PITRM1: variants seen among roughly 807,000 people sequenced by gnomAD.
The protein encoded by PITRM1 is pitrilysin metallopeptidase 1.
A neutral mutation model predicts 129.9 loss-of-function variants in PITRM1; 100 were observed. That is an observed-to-expected ratio of 0.77 (90% CI 0.65 to 0.91). The LOEUF is 0.91. PITRM1 is among the 40% of genes least tolerant of loss of function. The pLI, the probability that PITRM1 is intolerant of heterozygous loss-of-function variation, is 0.00. For missense variants in PITRM1, 1,471 were observed against 1,318.3 expected, an observed-to-expected ratio of 1.12 and a Z score of -1.79; for synonymous variants, 591 against 508.8, an observed-to-expected ratio of 1.16 and a Z score of -2.17.
intron 7 of PITRM1, among the ~76,000 whole-genome samples, chr10:3,162,590 G>C (rs1419143733): frequency 6.6e-6 from 1 of 152,190 alleles, no homozygotes; most frequent in Non-Finnish European, 1.5e-5. Flanking sequence ...GTGGAGGCGA[G>C]CAGACCTCAC....
intron 14 of PITRM1, among the ~76,000 whole-genome samples, chr10:3,152,709 C>T (rs1841625771): frequency 6.6e-6 from 1 of 152,248 alleles, no homozygotes; most frequent in Non-Finnish European, 1.5e-5. Flanking sequence ...CGACCTCACG[C>T]CACTCGGAGA....
At chr10:3,172,096 A>C (rs1188576277) in intron 1 of PITRM1, 3 of 424,154 alleles carry the variant, frequency 7.1e-6, no homozygotes, top group Non-Finnish European at 1.4e-5. Flanking sequence ...ACATGATAGG[A>C]AACTCCTGAG....
In PITRM1 at chr10:3,165,319, C is replaced by A; in HGVS notation, c.549G>T (p.Arg183=). The change falls in exon 6 of 27, where the codon CGG becomes CGT. Residue 183 remains arginine (R), a synonymous_variant. Coordinates refer to ENST00000224949, the MANE Select transcript of PITRM1 (RefSeq NM_014889.4). The part of the protein sequence containing the change: ...RELDFWQEGW[R]LEHENPSDPQ... ...GGTCGCTCGGATTCTCATGTTCCAGCCGCCATCCTTCCTGCCTGAGGACAA... is the reference window on the plus strand; with the variant it reads ...GGTCGCTCGGATTCTCATGTTCCAGACGCCATCCTTCCTGCCTGAGGACAA... 1 of 1,591,032 alleles carries A rather than the reference C, an allele frequency of 6.3e-7. No homozygotes were observed.
chr10:3,157,943 G>A lies in PITRM1; in HGVS notation c.1250+97C>T. The A allele has an allele frequency of 3.9e-6, 3 of 766,988 alleles. No individual in the cohort carries two copies. The South Asian group carries it at 4.3e-5, about 11-fold the overall frequency. The allele number at this position is 766,988 out of a possible 1,614,324, so 47.5% of individuals were successfully genotyped here. On this transcript the variant is annotated intron_variant, in intron 11 of 26. Coordinates refer to ENST00000224949, the MANE Select transcript of PITRM1 (RefSeq NM_014889.4). ...GAACAAAAGCATGTTATATGACAGA[G>A]AAGGAAGGCCGAAACAATGGATCAG...
intron 10 of PITRM1, 43 bp from the exon 11 acceptor site, chr10:3,158,196 G>A (rs760844982): frequency 1.5e-5 from 16 of 1,092,746 alleles, no homozygotes; most frequent in East Asian, 2.3e-5. Context: ...ATCCGGGCAC[G>A]TTCATCATGC....
intron 1 of PITRM1, among the ~76,000 whole-genome samples, chr10:3,170,897 A>G (rs2132531651): frequency 6.6e-6 from 1 of 152,068 alleles, no homozygotes; most frequent in South Asian, 2.1e-4. Context: ...CGGGAAGTGG[A>G]GGCTGCAGTG....
In PITRM1 at chr10:3,157,437, A is replaced by C. The variant is rs753564218; in HGVS notation, c.1345T>G (p.Ser449Ala). 11 of 1,588,310 alleles carry C rather than the reference A, an allele frequency of 6.9e-6. No homozygotes were observed. The Admixed American group carries it at 1.9e-4, about 28-fold the overall frequency. Residue 449 changes from serine (S) to alanine (A), a missense_variant and splice_region_variant, in exon 12 of 27, where the codon TCA (serine) becomes GCA (alanine). By Grantham distance (99) the Ser-to-Ala change is moderately conservative. Transcript: ENST00000224949. ...AAAATTGTTGAGAGATCACTTACTGATGTCAGCATCAGCCCAAAGCTGGTA... is the reference window on the plus strand; with the variant it reads ...AAAATTGTTGAGAGATCACTTACTGCTGTCAGCATCAGCCCAAAGCTGGTA... ...QSTSFGLMLT[S>A]YIASCWNHDG...
At chr10:3,151,221 G>A (rs748874799) in intron 15 of PITRM1, 26 bp downstream of exon 15, 33 of 1,293,150 alleles carry the variant, frequency 2.6e-5, no homozygotes, top group Middle Eastern at 1.8e-4. Context: ...CCCGAGACCC[G>A]GGAAAAGCGT....
chr10:3,167,296 CG>C (rs1483651538), intron 2 of PITRM1, among the ~76,000 whole-genome samples: 3 of 152,130 alleles, frequency 2.0e-5, no homozygotes, highest in South Asian at 4.1e-4. Flanking sequence ...AGCGAGCGAG[CG>C]AGCGAGCGCG....
At chr10:3,148,605 T>C (rs2291103) in intron 16 of PITRM1, 61,276 of 278,216 alleles carry the variant, frequency 0.22, 7,202 homozygotes, top group Non-Finnish European at 0.26. Flanking sequence ...TGTAAGCTCT[T>C]CAATAAATGT....
At chr10:3,141,634 G>A (rs1280136322) in intron 23 of PITRM1, 15 of 469,368 alleles carry the variant, frequency 3.2e-5, no homozygotes, top group Admixed American at 1.7e-4. Flanking sequence ...GACAGAAGGC[G>A]GGGCAGACAA....
chr10:3,159,156 T>A, intron 9 of PITRM1, 114 bp from the exon 10 acceptor site: 1 of 971,308 alleles, frequency 1.0e-6, no homozygotes, highest in Non-Finnish European at 1.5e-6. Flanking sequence ...ATTCTTGCAT[T>A]TCAACATTTA....
rs201311080 is a variant in PITRM1, at chr10:3,160,299, G to A, written c.823C>T (p.Gln275Ter). The change falls in exon 8 of 27, where the codon CAG (glutamine) becomes TAG (stop). Residue 275 changes from glutamine to a stop codon, truncating the protein, a stop_gained. Coordinates refer to ENST00000224949, the MANE Select transcript of PITRM1 (RefSeq NM_014889.4). LOFTEE classifies it high-confidence loss of function. Reference protein sequence around the residue: ...FFTYGNFPLEQHLKQIHEEAL... With the variant: ...FFTYGNFPLE Reference sequence around the variant, plus strand: ...TCCTCGTGAATTTGTTTCAGATGCTGTTCTAATGGAAAATTACCGTACGTG... The same window carrying A: ...TCCTCGTGAATTTGTTTCAGATGCTATTCTAATGGAAAATTACCGTACGTG... 8.3e-5 allele frequency: 134 copies of A among 1,612,588 alleles called. No homozygotes were observed. The highest frequency in any genetic ancestry group is 1.0e-4 in the Non-Finnish European group (123 of 1,178,730).
At chr10:3,151,050 T>C (rs1050726133) in intron 15 of PITRM1, 197 bp downstream of exon 15, 1 of 547,910 alleles carries the variant, frequency 1.8e-6, no homozygotes, top group South Asian at 2.2e-5. Context: ...GGGCTCTTAC[T>C]GAGTGAAGGA....
intron 6 of PITRM1, among the ~76,000 whole-genome samples, chr10:3,164,806 CTG>C (rs1256830101): frequency 1.3e-5 from 2 of 152,122 alleles, no homozygotes; most frequent in African/African-American, 4.8e-5. Context: ...TAGAGTGGTG[CTG>C]TGTTGCCTTT....
At position 3,166,288 on chromosome 10, in the gene PITRM1, C is replaced by G. The variant is rs773811640; in HGVS notation, c.359G>C (p.Arg120Thr). ...VLCGSQKYPC[R>T]DPFFKMLNRS... ...GTTCAACATTTTGAAGAAAGGGTCT[C>G]TGCACGGATATTTCTGAGACCCACA... The change falls in exon 4 of 27, where the codon AGA becomes ACA. Residue 120 changes from arginine (R) to threonine (T), a missense_variant. Coordinates refer to ENST00000224949, the MANE Select transcript of PITRM1 (RefSeq NM_014889.4). The G allele has an allele frequency of 6.2e-6, 10 of 1,612,056 alleles. No homozygotes were observed. The East Asian group carries it at 2.2e-4, about 36-fold the overall frequency.
intron 12 of PITRM1, 51 bp downstream of exon 12, chr10:3,157,384 G>C (rs1465402020): frequency 8.9e-7 from 1 of 1,126,178 alleles, no homozygotes; most frequent in Non-Finnish European, 1.3e-6. Context: ...CTAGTAACAA[G>C]ACAAAATGTC....
chr10:3,167,918 C>G (rs1018643019), intron 2 of PITRM1: 2 of 152,242 alleles, frequency 1.3e-5, no homozygotes, highest in South Asian at 4.2e-4. Flanking sequence ...GCCCACAAGA[C>G]AGACGAAAGA....
chr10:3,167,117 G>A, intron 2 of PITRM1, 75 bp from the exon 3 acceptor site: 1 of 813,936 alleles, frequency 1.2e-6, no homozygotes, highest in Non-Finnish European at 2.0e-6. Flanking sequence ...TCGACACACT[G>A]AGAAAACTGG....
Sources: gnomAD v4.1 joint callset for allele counts (sites outside exome capture counted in the v4.1 genomes callset) on GRCh38, gnomAD v4.1.1 for gene constraint, MANE v1.5 for transcripts, NCBI Gene and HGNC (gene_info 2026-07-23, HGNC 2026-07-21) for gene names.